Variants in SLC44A5 observed in about 807,000 individuals in gnomAD.
SLC44A5 encodes solute carrier family 44 member 5.
In SLC44A5, 57 loss-of-function variants were observed where a neutral mutation model predicts 101.8. The observed-to-expected ratio is 0.56, with a 90% CI of 0.45 to 0.70. The LOEUF (loss-of-function observed/expected upper bound fraction) is 0.70. Among genes scored for constraint, SLC44A5 ranks in the 30% least tolerant of loss-of-function variants. SLC44A5 has a pLI of 0.00. For missense variants in SLC44A5, 737 were observed against 853.1 expected (o/e 0.86, Z 1.70); for synonymous variants, 281 against 290.9 (o/e 0.97, Z 0.35).
At position 75,359,237 on chromosome 1, in the gene SLC44A5, T is replaced by TC. The variant is rs1444399649; in HGVS notation, c.53-19608_53-19607insG. ...TATATGCCATTTTCTTTTCTTTTTT[T>TC]TTTTTTTTTTTTCTTGAGACAGGGT... On this transcript the variant is annotated intron_variant, in intron 3 of 23. Transcript: ENST00000370859. Among the ~76,000 whole-genome samples the TC allele has an allele frequency of 7.5e-5, 11 of 146,638 alleles. No individual in the cohort carries two copies. In the South Asian group the frequency reaches 1.5e-3, roughly 20 times the overall value.
chr1:75,686,657 A>T, the SLC44A5 span, among the ~76,000 whole-genome samples: 1 of 152,250 alleles, frequency 6.6e-6, no homozygotes, highest in South Asian at 2.1e-4. Flanking sequence ...AATTTTCAGC[A>T]GAAAAGTGAA....
At chr1:75,233,671 T>C (rs1467174989) in intron 12 of SLC44A5, among the ~76,000 whole-genome samples, 2 of 152,140 alleles carry the variant, frequency 1.3e-5, no homozygotes, top group Admixed American at 1.3e-4. Context: ...TAAAAGAAGT[T>C]GTCTGAAATG....
In SLC44A5 at chr1:75,237,058, TTTA is replaced by T. The variant is rs748332227; in HGVS notation, c.666_668del (p.Asn222del). The T allele has an allele frequency of 3.1e-6, 5 of 1,597,792 alleles. 1 individual carries two copies. In the South Asian group the frequency reaches 5.6e-5, roughly 18 times the overall value. ...ATCCAAGTGACTTTGCATCAAGAAG[TTTA>T]TTGATACCACTGCATTGAAAGAAGG... On this transcript the variant is annotated inframe_deletion, in exon 11 of 24. Coordinates refer to ENST00000370859, the MANE Select transcript of SLC44A5 (RefSeq NM_001130058.2).
chr1:75,524,207 G>GCT (rs1296136652), intron 2 of SLC44A5, among the ~76,000 whole-genome samples: 4 of 152,158 alleles, frequency 2.6e-5, no homozygotes, highest in Non-Finnish European at 5.9e-5. Context: ...TTCCCCCTTA[G>GCT]CTCTCTCTCT....
At chr1:75,696,439 G>C in the SLC44A5 span, among the ~76,000 whole-genome samples, 1 of 152,214 alleles carries the variant, frequency 6.6e-6, no homozygotes, top group African/African-American at 2.4e-5. Context: ...GATAGGAATA[G>C]GAAGCATTAC....
At chr1:75,275,825 T>A (rs1420769631) in intron 5 of SLC44A5, among the ~76,000 whole-genome samples, 3 of 152,112 alleles carry the variant, frequency 2.0e-5, no homozygotes, top group Non-Finnish European at 4.4e-5. Flanking sequence ...CTTCTCCAAT[T>A]TGACTAATAC....
chr1:75,459,603 G>A lies in SLC44A5; in HGVS notation c.14-62982C>T, dbSNP rs868143563. On this transcript the variant is annotated intron_variant, in intron 2 of 23. Coordinates refer to ENST00000370859, the MANE Select transcript of SLC44A5 (RefSeq NM_001130058.2). ...GAAATACAGTAGCTTTCAGAGTTAT[G>A]TGACTTGCCCAAGTAACATAGTTAG... Among the ~76,000 whole-genome samples the A allele has an allele frequency of 7.2e-5, 11 of 152,028 alleles. No individual in the cohort carries two copies. The South Asian group carries it at 2.1e-3, about 29-fold the overall frequency.
At chr1:75,690,406 A>G in the SLC44A5 span, among the ~76,000 whole-genome samples, 4 of 152,160 alleles carry the variant, frequency 2.6e-5, no homozygotes, top group Admixed American at 6.6e-5. Flanking sequence ...CGGGGATTAT[A>G]ATTTGAGATG....
Position 75,226,734 on chromosome 1 carries a change from T to A in SLC44A5, c.985+992A>T, listed in dbSNP as rs918187155. On this transcript the variant is annotated intron_variant, in intron 13 of 23. Coordinates refer to ENST00000370859, the MANE Select transcript of SLC44A5 (RefSeq NM_001130058.2). Reference sequence around the variant, plus strand: ...CAAGAATATAAAGATGATTTTTTTTTAAAGCAACATGTAGTTAGAGATTAT... The same window carrying A: ...CAAGAATATAAAGATGATTTTTTTTAAAAGCAACATGTAGTTAGAGATTAT... 4.6e-5 allele frequency among the ~76,000 whole-genome samples: 7 copies of A among 152,220 alleles called. No individual in the cohort carries two copies. The South Asian group carries it at 1.5e-3, about 32-fold the overall frequency.
At chr1:75,713,162 C>T in the SLC44A5 span, among the ~76,000 whole-genome samples, 1 of 152,192 alleles carries the variant, frequency 6.6e-6, no homozygotes, top group Admixed American at 6.5e-5. Flanking sequence ...TATTTTTATT[C>T]ACCCCTCACA....
intron 5 of SLC44A5, among the ~76,000 whole-genome samples, chr1:75,284,690 C>T (rs1652894878): frequency 6.6e-6 from 1 of 151,914 alleles, no homozygotes; most frequent in East Asian, 1.9e-4. Flanking sequence ...CCCTTATATG[C>T]CAATTTTGCT....
Position 75,575,954 on chromosome 1 carries a change from G to C in SLC44A5, c.-69-34438C>G, listed in dbSNP as rs529064452. On this transcript the variant is annotated intron_variant, in intron 1 of 23. Coordinates refer to ENST00000370859, the MANE Select transcript of SLC44A5 (RefSeq NM_001130058.2). ...GAACTTTTTGAAAGCTAAAATGTTG[G>C]AGAGCTTGTGACTAAGAGGCATAAA... Among the ~76,000 whole-genome samples, 6 of 152,258 alleles carry C rather than the reference G, an allele frequency of 3.9e-5. No homozygotes were observed. In the South Asian group the frequency reaches 8.3e-4, roughly 21 times the overall value.
the SLC44A5 span, among the ~76,000 whole-genome samples, chr1:75,659,443 G>GGGAAGGAA: frequency 6.5e-4 from 40 of 61,114 alleles, 2 homozygotes; most frequent in African/African-American, 2.6e-3. Flanking sequence ...GAGGGAGGGA[G>GGGAAGGAA]GGAAGGAAGG....
chr1:75,329,062 A>G (rs551085217), intron 4 of SLC44A5, among the ~76,000 whole-genome samples: 3 of 152,352 alleles, frequency 2.0e-5, no homozygotes, highest in Admixed American at 2.0e-4. Context: ...TAATCTGTAC[A>G]GCAAACCCCT....
At chr1:75,418,692 C>T (rs12082807) in intron 2 of SLC44A5, among the ~76,000 whole-genome samples, 1 of 152,086 alleles carries the variant, frequency 6.6e-6, no homozygotes, top group Non-Finnish European at 1.5e-5. Flanking sequence ...CATGCAGGGC[C>T]TCTGTGCCTG....
chr1:75,215,739 A>C lies in SLC44A5; in HGVS notation c.1728+15T>G. The C allele has an allele frequency of 2.0e-6, 3 of 1,479,850 alleles. No individual in the cohort carries two copies. Among genetic ancestry groups the C allele is most frequent in the Non-Finnish European group, 2.8e-6 (3 of 1,059,848 alleles). The allele number at this position is 1,479,850 out of a possible 1,614,324, so 91.7% of individuals were successfully genotyped here. Reference sequence around the variant, plus strand: ...CAAAGAAGCAGCTTAGTAAATAATAAAATAATCTACCTACCATAATATAGG... The same window carrying C: ...CAAAGAAGCAGCTTAGTAAATAATACAATAATCTACCTACCATAATATAGG... On this transcript the variant is annotated intron_variant, in intron 19 of 23. Coordinates refer to ENST00000370859, the MANE Select transcript of SLC44A5 (RefSeq NM_001130058.2).
At chr1:75,224,170 G>T (rs686453) in intron 13 of SLC44A5, among the ~76,000 whole-genome samples, 1 of 151,946 alleles carries the variant, frequency 6.6e-6, no homozygotes. Context: ...CCAGTGGCAT[G>T]GTAGTGCAAT....
intron 5 of SLC44A5, among the ~76,000 whole-genome samples, chr1:75,287,609 G>A (rs1361772219): frequency 4.0e-5 from 6 of 151,888 alleles, no homozygotes; most frequent in East Asian, 1.9e-4. Context: ...CTCAAGGGCC[G>A]CTGTTCAGAT....
At chr1:75,677,034 G>A in the SLC44A5 span, among the ~76,000 whole-genome samples, 17 of 152,226 alleles carry the variant, frequency 1.1e-4, no homozygotes, top group Non-Finnish European at 2.2e-4. Flanking sequence ...GAGAATTAAG[G>A]ACTTTCCCAG....
Sources: allele counts gnomAD v4.1 joint callset (sites outside exome capture counted in the v4.1 genomes callset), GRCh38; gene constraint gnomAD v4.1.1; transcripts MANE v1.5; gene names NCBI Gene and HGNC (gene_info 2026-07-23, HGNC 2026-07-21).